C12orf42: variants seen among roughly 807,000 people sequenced by gnomAD.
The protein encoded by C12orf42 is chromosome 12 open reading frame 42.
Under a neutral mutation model 21.6 loss-of-function variants are expected in C12orf42, and 25 were observed. The ratio of observed to expected loss-of-function variants is 1.16; its 90% CI spans 0.84 to 1.62. C12orf42 has a LOEUF of 1.62. Among genes scored for constraint, C12orf42 ranks in the 40% most tolerant of loss-of-function variants. C12orf42 has a pLI of 0.00. For synonymous variants in C12orf42, 174 were observed against 175.0 expected, an observed-to-expected ratio of 0.99 and a Z score of 0.05; for missense variants, 483 against 459.3, an observed-to-expected ratio of 1.05 and a Z score of -0.47.
intron 10 of C12orf42, among the ~76,000 whole-genome samples, chr12:103,244,283 C>A (rs911184076): frequency 6.6e-6 from 1 of 151,876 alleles, no homozygotes; most frequent in Non-Finnish European, 1.5e-5. Context: ...TGGCAGATAC[C>A]CTCTAAAAAG....
At chr12:103,243,412 T>A (rs1316703691) in intron 10 of C12orf42, among the ~76,000 whole-genome samples, 1 of 152,100 alleles carries the variant, frequency 6.6e-6, no homozygotes, top group East Asian at 1.9e-4. Context: ...ATTCCCATGC[T>A]ATATATGCCC....
At chr12:103,420,035 T>G (rs534432545) in intron 2 of C12orf42, among the ~76,000 whole-genome samples, 68 of 152,300 alleles carry the variant, frequency 4.5e-4, no homozygotes, top group Admixed American at 4.1e-3. Context: ...ATGACACAGA[T>G]ATCATATAAA....
At chr12:103,218,312 A>C in the C12orf42 span, among the ~76,000 whole-genome samples, 4 of 151,286 alleles carry the variant, frequency 2.6e-5, no homozygotes, top group African/African-American at 9.7e-5. Flanking sequence ...CTTTCTCCCC[A>C]CTAGAATATA....
chr12:103,137,362 A>G, the C12orf42 span, among the ~76,000 whole-genome samples: 1 of 151,996 alleles, frequency 6.6e-6, no homozygotes, highest in Admixed American at 6.6e-5. Flanking sequence ...TTAAAAAGAA[A>G]AAAAAAAAAC....
the C12orf42 span, among the ~76,000 whole-genome samples, chr12:103,511,642 GC>G: frequency 6.6e-6 from 1 of 152,006 alleles, no homozygotes; most frequent in Non-Finnish European, 1.5e-5. Context: ...ACTCAAAAGA[GC>G]CTCTGGCTTG....
intron 4 of C12orf42, among the ~76,000 whole-genome samples, chr12:103,352,019 C>T (rs1593560534): frequency 6.6e-6 from 1 of 151,984 alleles, no homozygotes; most frequent in African/African-American, 2.4e-5. Context: ...CTCCACAATC[C>T]TCCCCTGCTC....
chr12:103,057,195 T>A, the C12orf42 span, among the ~76,000 whole-genome samples: 1 of 149,396 alleles, frequency 6.7e-6, no homozygotes, highest in Non-Finnish European at 1.5e-5. Flanking sequence ...TTTTTTTTTT[T>A]AATTTTACTT....
intron 1 of C12orf42, among the ~76,000 whole-genome samples, chr12:103,489,398 C>T (rs1362633807): frequency 6.6e-6 from 1 of 152,234 alleles, no homozygotes; most frequent in Admixed American, 6.5e-5. Context: ...AGTTAGGCTA[C>T]ACAGGGGTCA....
chr12:103,419,171 G>T lies in C12orf42; in HGVS notation c.79-17496C>A, dbSNP rs543965705. Among the ~76,000 whole-genome samples, 170 of 152,244 alleles carry T rather than the reference G, an allele frequency of 1.1e-3. 1 individual carries two copies. The highest frequency in any genetic ancestry group is 3.7e-3 in the African/African-American group (152 of 41,544). On this transcript the variant is annotated intron_variant, in intron 2 of 5. Transcript: ENST00000548883. Reference sequence around the variant, plus strand: ...GAACCACAGGGAGTTCAGTGAGATGGCAGGCTAAAGAGGAAACAGAGTTTA... The same window carrying T: ...GAACCACAGGGAGTTCAGTGAGATGTCAGGCTAAAGAGGAAACAGAGTTTA...
chr12:103,273,617 C>G (rs1043252017), intron 5 of C12orf42, among the ~76,000 whole-genome samples: 3 of 152,014 alleles, frequency 2.0e-5, no homozygotes, highest in Non-Finnish European at 4.4e-5. Flanking sequence ...AATACCATGT[C>G]AACTTTACTA....
intron 2 of C12orf42, among the ~76,000 whole-genome samples, chr12:103,462,326 G>C (rs1456663162): frequency 6.6e-6 from 1 of 151,748 alleles, no homozygotes; most frequent in South Asian, 2.1e-4. Flanking sequence ...GGCCAGGCTG[G>C]TCTCGAACCC....
chr12:103,066,600 G>A, the C12orf42 span, among the ~76,000 whole-genome samples: 1 of 152,336 alleles, frequency 6.6e-6, no homozygotes, highest in Non-Finnish European at 1.5e-5. Flanking sequence ...CCAGTGGGCA[G>A]AACTTTGAGC....
chr12:103,123,359 G>A, the C12orf42 span, among the ~76,000 whole-genome samples: 1 of 152,138 alleles, frequency 6.6e-6, no homozygotes, highest in African/African-American at 2.4e-5. Flanking sequence ...GGAGCTTTAG[G>A]AGATGGCAGG....
At chr12:103,157,225 G>A in the C12orf42 span, among the ~76,000 whole-genome samples, 1 of 152,196 alleles carries the variant, frequency 6.6e-6, no homozygotes, top group Non-Finnish European at 1.5e-5. Context: ...CTGATGGTCA[G>A]TAATGTTGAG....
chr12:103,285,891 T>G (rs2036420081), intron 4 of C12orf42, among the ~76,000 whole-genome samples: 1 of 152,214 alleles, frequency 6.6e-6, no homozygotes, highest in Non-Finnish European at 1.5e-5. Context: ...ATGCTGAATC[T>G]TCAGTACTTA....
intron 4 of C12orf42, among the ~76,000 whole-genome samples, chr12:103,333,024 G>A (rs139443011): frequency 0.012 from 1,790 of 152,202 alleles, 39 homozygotes; most frequent in African/African-American, 0.04. Context: ...GAAAAATGCC[G>A]ATTATGCTTG....
chr12:103,410,828 C>T lies in C12orf42; in HGVS notation c.79-9153G>A, dbSNP rs1207222674. Among the ~76,000 whole-genome samples the T allele has an allele frequency of 2.6e-5, 4 of 152,310 alleles. No individual in the cohort carries two copies. In the East Asian group the frequency reaches 7.7e-4, roughly 29 times the overall value. On this transcript the variant is annotated intron_variant, in intron 2 of 5. Coordinates refer to ENST00000548883, the MANE Select transcript of C12orf42 (RefSeq NM_198521.5). ...CTCTGTATGTTCATGTCTATTCACA[C>T]TCTTGAAAGCCAGCCATAAGGAAAG... is the stretch of plus-strand genomic sequence containing the variant.
chr12:103,057,818 C>T, the C12orf42 span, among the ~76,000 whole-genome samples: 2 of 152,176 alleles, frequency 1.3e-5, no homozygotes, highest in Admixed American at 1.3e-4. Context: ...CTGTCACCAA[C>T]AGTGTAAAAG....
At chr12:103,427,375 A>G (rs1033687367) in intron 2 of C12orf42, among the ~76,000 whole-genome samples, 1 of 151,930 alleles carries the variant, frequency 6.6e-6, no homozygotes, top group Admixed American at 6.6e-5. Flanking sequence ...AAAAAAAAAA[A>G]CAAGGAAGGT....
Sources: gnomAD v4.1 joint callset for allele counts (sites outside exome capture counted in the v4.1 genomes callset) on GRCh38, gnomAD v4.1.1 for gene constraint, MANE v1.5 for transcripts, NCBI Gene and HGNC (gene_info 2026-07-23, HGNC 2026-07-21) for gene names.